GSE1: variants seen among roughly 807,000 people sequenced by gnomAD.
The protein encoded by GSE1 is Gse1 coiled-coil protein, also known as genetic suppressor element 1.
In GSE1, 32 loss-of-function variants were observed where a neutral mutation model predicts 112.6. The ratio of observed to expected loss-of-function variants is 0.28; its 90% CI spans 0.21 to 0.38. The LOEUF (loss-of-function observed/expected upper bound fraction) is 0.38, where lower values mean the gene tolerates loss of function less well. GSE1 is among the 10% of genes least tolerant of loss of function. The pLI, the probability that GSE1 is intolerant of heterozygous loss-of-function variation, is 1.00. For synonymous variants in GSE1, 1,115 were observed against 735.6 expected (o/e 1.52, Z -8.35); for missense variants, 2,348 against 1,699.2 (o/e 1.38, Z -6.71).
chr16:85,171,208 G>A (rs901222453), exon 1 of GSE1: 21 of 985,620 alleles, frequency 2.1e-5, no homozygotes, highest in Non-Finnish European at 2.5e-5. Flanking sequence ...CTCCGTGCAG[G>A]GCTTCCTGGG....
intron 1 of GSE1, among the ~76,000 whole-genome samples, chr16:85,348,324 C>T (rs1043646725): frequency 3.3e-5 from 5 of 150,968 alleles, no homozygotes; most frequent in African/African-American, 9.7e-5. Context: ...ATCCATCCAT[C>T]CACTGCCTAT....
chr16:85,638,144 C>T (rs777125280), intron 2 of GSE1, among the ~76,000 whole-genome samples: 23 of 152,246 alleles, frequency 1.5e-4, no homozygotes, highest in Non-Finnish European at 2.9e-4. Context: ...TCGGTTTTCG[C>T]CATCTGACTG....
chr16:85,529,721 G>C (rs73267300), intron 2 of GSE1, among the ~76,000 whole-genome samples: 1 of 152,154 alleles, frequency 6.6e-6, no homozygotes, highest in Non-Finnish European at 1.5e-5. Flanking sequence ...GGCTAGGGGA[G>C]GGTAGGTGGA....
chr16:85,601,758 T>G (rs1477513067), intron 1 of GSE1, among the ~76,000 whole-genome samples: 3 of 152,162 alleles, frequency 2.0e-5, no homozygotes, highest in African/African-American at 2.4e-5. Flanking sequence ...GCAGCCGACG[T>G]GAGCTAGGGA....
rs1441429302 is a variant in GSE1 at position 85,661,689 on chromosome 16, G to A, written c.2184G>A (p.Glu728=). The change falls in exon 9 of 16, where the codon GAG becomes GAA. Residue 728 remains glutamate (E), a synonymous_variant. Coordinates refer to ENST00000253458, the MANE Select transcript of GSE1 (RefSeq NM_014615.5). ...RAPDPAYIYD[E]FLQQRRRLVS... ...CCGACCCTGCCTACATCTATGATGAGTTCCTGCAGCAGCGCCGGAGGCTGG... is the reference window on the plus strand; with the variant it reads ...CCGACCCTGCCTACATCTATGATGAATTCCTGCAGCAGCGCCGGAGGCTGG... The A allele has an allele frequency of 6.2e-7, 1 of 1,607,916 alleles. No individual in the cohort carries two copies. The highest frequency in any genetic ancestry group is 1.7e-5 in the Admixed American group (1 of 59,742).
At chr16:85,547,543 T>A (rs1328787229) in intron 2 of GSE1, among the ~76,000 whole-genome samples, 2 of 152,306 alleles carry the variant, frequency 1.3e-5, no homozygotes, top group East Asian at 1.9e-4. Flanking sequence ...ATTTATATAA[T>A]TAATGTATAA....
At chr16:85,245,019 G>A (rs192576305) in intron 1 of GSE1, among the ~76,000 whole-genome samples, 4 of 149,996 alleles carry the variant, frequency 2.7e-5, no homozygotes, top group South Asian at 2.1e-4. Context: ...TTTTTTTTCC[G>A]AGTGTGGTGG....
At chr16:85,591,241 C>A (rs2046991272) in intron 1 of GSE1, among the ~76,000 whole-genome samples, 1 of 152,200 alleles carries the variant, frequency 6.6e-6, no homozygotes, top group African/African-American at 2.4e-5. Context: ...CTCTGTCGGG[C>A]CCTCCTGGTT....
At chr16:85,553,707 A>G (rs1023419992), upstream of GSE1, among the ~76,000 whole-genome samples, 5 of 152,042 alleles carry the variant, frequency 3.3e-5, no homozygotes, top group African/African-American at 1.2e-4. Context: ...CGCCCAGCTC[A>G]TTTAAGAATT....
chr16:85,552,032 T>C (rs1414305080), upstream of GSE1, among the ~76,000 whole-genome samples: 3 of 151,888 alleles, frequency 2.0e-5, no homozygotes, highest in Non-Finnish European at 4.4e-5. Flanking sequence ...TCTTTCTTTT[T>C]TTTTTTTCTT....
At chr16:85,378,959 C>T (rs1056399179) in intron 2 of GSE1, among the ~76,000 whole-genome samples, 3 of 152,178 alleles carry the variant, frequency 2.0e-5, no homozygotes, top group Non-Finnish European at 2.9e-5. Flanking sequence ...TTAAAATATC[C>T]AGGTTCAAGT....
intron 1 of GSE1, among the ~76,000 whole-genome samples, chr16:85,325,884 G>A: frequency 6.6e-6 from 1 of 152,064 alleles, no homozygotes. Context: ...GAGTAGCTGG[G>A]ATTACAGGCG....
chr16:85,330,779 G>T (rs1395114711), intron 1 of GSE1, among the ~76,000 whole-genome samples: 1 of 152,216 alleles, frequency 6.6e-6, no homozygotes, highest in Non-Finnish European at 1.5e-5. Context: ...AATGTCAGTG[G>T]CCAAGCATGA....
intron 2 of GSE1, among the ~76,000 whole-genome samples, chr16:85,485,350 G>A (rs1319514880): frequency 6.6e-6 from 1 of 152,236 alleles, no homozygotes; most frequent in Non-Finnish European, 1.5e-5. Context: ...CAGGTCCCGT[G>A]CAGCCGTTGT....
Position 85,396,054 on chromosome 16 carries a change from A to G in GSE1, c.2464+38411A>G, listed in dbSNP as rs554235656. Among the ~76,000 whole-genome samples, 3 of 152,360 alleles carry G rather than the reference A, an allele frequency of 2.0e-5. No individual in the cohort carries two copies. In the East Asian group the frequency reaches 5.8e-4, roughly 29 times the overall value. ...CTGCTTCTAGAACCTTCTCTTGGAT[A>G]TGAACAAGGCTGATGAAAGCTTCAG... On this transcript the variant is annotated intron_variant, in intron 2 of 2. Transcript: ENST00000637419.
At chr16:85,175,604 G>A (rs564743508) in intron 1 of GSE1, among the ~76,000 whole-genome samples, 6 of 152,360 alleles carry the variant, frequency 3.9e-5, no homozygotes, top group African/African-American at 9.6e-5. Context: ...GCGACGCTGG[G>A]TTTCTGAGAT....
intron 1 of GSE1, among the ~76,000 whole-genome samples, chr16:85,300,920 G>T (rs1489700863): frequency 1.3e-5 from 2 of 152,232 alleles, no homozygotes; most frequent in Non-Finnish European, 2.9e-5. Context: ...TTTGGGGGGA[G>T]TGGGGACTGG....
chr16:85,206,925 G>C (rs961376035), intron 1 of GSE1, among the ~76,000 whole-genome samples: 10 of 151,098 alleles, frequency 6.6e-5, no homozygotes, highest in African/African-American at 1.7e-4. Context: ...GGGTGGGCCA[G>C]CGCCGGTGGC....
chr16:85,399,109 T>A (rs978056137), intron 2 of GSE1, among the ~76,000 whole-genome samples: 2 of 152,310 alleles, frequency 1.3e-5, no homozygotes, highest in East Asian at 3.9e-4. Context: ...CATGTGTGTG[T>A]GAGGATGCAT....
Sources: allele counts gnomAD v4.1 joint callset (sites outside exome capture counted in the v4.1 genomes callset), GRCh38; gene constraint gnomAD v4.1.1; transcripts MANE v1.5; gene names NCBI Gene and HGNC (gene_info 2026-07-23, HGNC 2026-07-21).